TTC39B: variants seen among roughly 807,000 people sequenced by gnomAD.
TTC39B encodes tetratricopeptide repeat domain 39B.
TTC39B carries 92 observed loss-of-function variants against 96.6 expected under a neutral mutation model. That is an observed-to-expected ratio of 0.95 (90% CI 0.80 to 1.13). The LOEUF is 1.13. TTC39B is among the 50% of genes most tolerant of loss of function. The probability of loss-of-function intolerance (pLI) is 0.00; values close to 1 mark genes in which losing one functional copy is unlikely to be tolerated. For missense variants in TTC39B, 955 were observed against 809.3 expected (o/e 1.18, Z -2.18); for synonymous variants, 367 against 299.4 (o/e 1.23, Z -2.33).
At chr9:15,173,594 CTCTTAATCT>C (rs1265966151) in intron 19 of TTC39B, among the ~76,000 whole-genome samples, 1 of 152,116 alleles carries the variant, frequency 6.6e-6, no homozygotes, top group Non-Finnish European at 1.5e-5. Flanking sequence ...CTTCCTAACT[CTCTTAATCT>C]TCTTAATCTT....
At chr9:15,274,228 G>A (rs1049662444) in intron 1 of TTC39B, among the ~76,000 whole-genome samples, 4 of 152,068 alleles carry the variant, frequency 2.6e-5, no homozygotes, top group Admixed American at 1.3e-4. Context: ...AAATATATAC[G>A]TACCCTGAGC....
intron 13 of TTC39B, 116 bp from the exon 14 acceptor site, chr9:15,188,248 C>A (rs185172520): frequency 2.1e-6 from 2 of 969,896 alleles, no homozygotes; most frequent in African/African-American, 3.4e-5. Flanking sequence ...ACTCATTAAA[C>A]CTCTCAATAT....
intron 1 of TTC39B, among the ~76,000 whole-genome samples, chr9:15,274,514 T>G (rs1823468566): frequency 6.6e-6 from 1 of 152,210 alleles, no homozygotes; most frequent in African/African-American, 2.4e-5. Flanking sequence ...GCACCCCTCA[T>G]ACCCTCCTTA....
rs112031957 is a variant in TTC39B at position 15,202,150 on chromosome 9, T to C, written c.759+1673A>G. ...GAGGGGACAAACATGGATATCTCTTTAATTTCAAATCCCCAAATATAAAAT... is the reference window on the plus strand; with the variant it reads ...GAGGGGACAAACATGGATATCTCTTCAATTTCAAATCCCCAAATATAAAAT... On this transcript the variant is annotated intron_variant, in intron 7 of 19. Coordinates refer to ENST00000512701, the Ensembl canonical transcript of TTC39B. Among the ~76,000 whole-genome samples the C allele has an allele frequency of 4.7e-3, 710 of 152,328 alleles. 3 individuals are homozygous for C. The highest frequency in any genetic ancestry group is 0.016 in the African/African-American group (665 of 41,570).
chr9:15,293,724 C>G (rs555777096), intron 1 of TTC39B, among the ~76,000 whole-genome samples: 1 of 152,328 alleles, frequency 6.6e-6, no homozygotes, highest in Admixed American at 6.5e-5. Context: ...CTAAAGCTGC[C>G]TCCTTACATA....
At chr9:15,294,255 C>G (rs1038056878) in intron 1 of TTC39B, among the ~76,000 whole-genome samples, 4 of 152,072 alleles carry the variant, frequency 2.6e-5, no homozygotes, top group African/African-American at 9.7e-5. Context: ...TGCTTTAGGG[C>G]ACAGCAAGAA....
chr9:15,304,659 CG>C (rs1023822873), intron 1 of TTC39B, among the ~76,000 whole-genome samples: 7 of 151,890 alleles, frequency 4.6e-5, no homozygotes, highest in Non-Finnish European at 8.8e-5. Flanking sequence ...ACCTCCCCCC[CG>C]ACCCCTCTCC....
chr9:15,223,315 G>T (rs1016636432), intron 3 of TTC39B, among the ~76,000 whole-genome samples: 3 of 152,206 alleles, frequency 2.0e-5, no homozygotes, highest in Admixed American at 6.5e-5. Context: ...GGAGGCAAAT[G>T]AGTTTCTTAA....
chr9:15,247,533 G>A (rs568418779), intron 2 of TTC39B, among the ~76,000 whole-genome samples: 9 of 152,232 alleles, frequency 5.9e-5, no homozygotes, highest in African/African-American at 2.2e-4. Context: ...GCTGATGTTG[G>A]TGAACAGCAT....
At chr9:15,223,626 AT>A (rs1333236963) in intron 3 of TTC39B, among the ~76,000 whole-genome samples, 1 of 152,156 alleles carries the variant, frequency 6.6e-6, no homozygotes, top group Non-Finnish European at 1.5e-5. Flanking sequence ...GCCAAGTGTC[AT>A]TTTAGGCTGC....
chr9:15,166,082 G>A (rs749651359), exon 20 of TTC39B: 16 of 151,958 alleles, frequency 1.1e-4, no homozygotes, highest in African/African-American at 3.9e-4. Context: ...GGTGTCACTG[G>A]GATATGCCAG....
intron 2 of TTC39B, among the ~76,000 whole-genome samples, chr9:15,266,626 G>A (rs1199281732): frequency 5.9e-5 from 9 of 152,154 alleles, no homozygotes; most frequent in Non-Finnish European, 1.5e-5. Context: ...TGGAAGTACT[G>A]TAAAACAAAC....
intron 1 of TTC39B, among the ~76,000 whole-genome samples, chr9:15,283,347 A>G (rs1823837547): frequency 6.6e-6 from 1 of 152,202 alleles, no homozygotes; most frequent in Admixed American, 6.5e-5. Flanking sequence ...CACTATGGAG[A>G]TATACATAAT....
At chr9:15,216,936 G>T (rs1820553062) in intron 3 of TTC39B, among the ~76,000 whole-genome samples, 1 of 152,156 alleles carries the variant, frequency 6.6e-6, no homozygotes, top group East Asian at 1.9e-4. Flanking sequence ...ACCTAGTTTT[G>T]GTGGGAGGCA....
intron 2 of TTC39B, among the ~76,000 whole-genome samples, chr9:15,256,416 T>C (rs146468932): frequency 6.6e-6 from 1 of 152,322 alleles, no homozygotes; most frequent in African/African-American, 2.4e-5. Flanking sequence ...AGACAGTATA[T>C]TAATTTCACA....
Position 15,185,345 on chromosome 9 carries a change from CA to C in TTC39B, c.1548del (p.Val517Ter). 1 of 1,613,946 alleles carries C rather than the reference CA, an allele frequency of 6.2e-7. No homozygotes were observed. On this transcript the variant is annotated frameshift_variant, in exon 16 of 20. Coordinates refer to ENST00000512701, the Ensembl canonical transcript of TTC39B. LOFTEE classifies it high-confidence loss of function. ...GCGGAGTAACGCCGAGCCTTCCTCA[CA>C]GCAAACTTCTCAGTAGGGATAGATT...
intron 18 of TTC39B, among the ~76,000 whole-genome samples, 182 bp from the exon 19 acceptor site, chr9:15,175,317 T>C (rs1817874920): frequency 6.6e-6 from 1 of 152,238 alleles, no homozygotes; most frequent in African/African-American, 2.4e-5. Context: ...GTTCTTTTCC[T>C]ATATTAATCT....
intron 1 of TTC39B, among the ~76,000 whole-genome samples, chr9:15,283,533 T>G (rs887460451): frequency 1.4e-5 from 2 of 139,590 alleles, no homozygotes; most frequent in African/African-American, 5.1e-5. Flanking sequence ...CCAGGAGAAC[T>G]TTTTACATAC....
rs1823445400 is a variant in TTC39B, at chr9:15,273,875, C to T, written c.241-5927G>A. ...AGACATGAAGAGGATGCCCCAACTT[C>T]CCCCCAGGACTGAGGCAGGGACTAA... On this transcript the variant is annotated intron_variant, in intron 1 of 19. Transcript: ENST00000512701. Among the ~76,000 whole-genome samples, 4 of 152,294 alleles carry T rather than the reference C, an allele frequency of 2.6e-5. 1 individual carries two copies. Among genetic ancestry groups the T allele is most frequent in the Admixed American group, 2.6e-4 (4 of 15,302 alleles).
Sources: gnomAD v4.1 joint callset for allele counts (sites outside exome capture counted in the v4.1 genomes callset) on GRCh38, gnomAD v4.1.1 for gene constraint, MANE v1.5 for transcripts, NCBI Gene and HGNC (gene_info 2026-07-23, HGNC 2026-07-21) for gene names.